KHDRBS2: variants seen among roughly 807,000 people sequenced by gnomAD.
The protein encoded by KHDRBS2 is KH domain-containing, RNA-binding, signal transduction-associated protein 2.
KHDRBS2 carries 26 observed loss-of-function variants against 44.3 expected under a neutral mutation model. The observed-to-expected ratio is 0.59, with a 90% confidence interval of 0.43 to 0.81. The LOEUF is 0.81. Ranked by LOEUF, KHDRBS2 falls within the 40% of genes least tolerant of loss-of-function variation. The pLI is 0.00. For missense variants in KHDRBS2, 476 were observed against 433.1 expected (o/e 1.10, Z -0.88); for synonymous variants, 194 against 151.1 (o/e 1.28, Z -2.08).
downstream of KHDRBS2, among the ~76,000 whole-genome samples, chr6:61,675,598 C>A (rs1484430916): frequency 6.6e-6 from 1 of 151,678 alleles, no homozygotes; most frequent in Non-Finnish European, 1.5e-5. Flanking sequence ...TACATAGTGA[C>A]CTCAGGGCAC....
In KHDRBS2 at chr6:61,960,724, A is replaced by C. The variant is rs145740312; in HGVS notation, c.483+17342T>G. 2.4e-3 allele frequency among the ~76,000 whole-genome samples: 358 copies of C among 152,230 alleles called. 3 individuals are homozygous for C. Among genetic ancestry groups the C allele is most frequent in the African/African-American group, 8.1e-3 (336 of 41,548 alleles). On this transcript the variant is annotated intron_variant, in intron 4 of 8. Transcript: ENST00000281156. ...ACAAATTTCCTGCATGAAAATGATC[A>C]ATTTTTCTTCCTATACATAAATTTA...
chr6:62,104,551 T>C (rs1439357464), intron 2 of KHDRBS2, among the ~76,000 whole-genome samples: 1 of 151,996 alleles, frequency 6.6e-6, no homozygotes, highest in Admixed American at 6.6e-5. Context: ...AAATAACATA[T>C]GAGTAAAAAC....
chr6:61,777,412 T>A (rs1433106740), intron 6 of KHDRBS2, among the ~76,000 whole-genome samples: 1 of 152,172 alleles, frequency 6.6e-6, no homozygotes, highest in African/African-American at 2.4e-5. Context: ...TGTTGTCAAC[T>A]CATTGATGAA....
chr6:61,671,671 C>A, the KHDRBS2 span, among the ~76,000 whole-genome samples: 211 of 151,706 alleles, frequency 1.4e-3, no homozygotes, highest in African/African-American at 4.8e-3. Context: ...TAATTGGAAA[C>A]TAGAATTTAA....
chr6:62,097,166 A>G (rs1800796306), intron 2 of KHDRBS2, among the ~76,000 whole-genome samples: 1 of 151,340 alleles, frequency 6.6e-6, no homozygotes, highest in African/African-American at 2.4e-5. Context: ...TAACCCGGAG[A>G]CTATTTCATG....
chr6:62,138,970 G>A (rs1410506463), intron 2 of KHDRBS2, among the ~76,000 whole-genome samples: 5 of 152,136 alleles, frequency 3.3e-5, no homozygotes, highest in Non-Finnish European at 7.4e-5. Context: ...CAAGTCATAA[G>A]TAATTGTTTG....
At chr6:61,686,789 C>CT (rs200953450) in intron 8 of KHDRBS2, among the ~76,000 whole-genome samples, 3 of 151,304 alleles carry the variant, frequency 2.0e-5, no homozygotes, top group Non-Finnish European at 3.0e-5. Context: ...TCTTTTTCCT[C>CT]TTTTTTTCCC....
At chr6:61,679,739 G>A (rs780083186), downstream of KHDRBS2, among the ~76,000 whole-genome samples, 24 of 151,912 alleles carry the variant, frequency 1.6e-4, no homozygotes, top group Non-Finnish European at 2.7e-4. Flanking sequence ...TGAAGTCCAC[G>A]CACTCCTTTG....
intron 6 of KHDRBS2, among the ~76,000 whole-genome samples, chr6:61,768,330 T>C (rs961745699): frequency 1.3e-5 from 2 of 152,178 alleles, no homozygotes; most frequent in African/African-American, 4.8e-5. Flanking sequence ...TGTCTTGAGA[T>C]AGCCTCCTTT....
intron 6 of KHDRBS2, among the ~76,000 whole-genome samples, chr6:61,835,040 G>A (rs1488157054): frequency 6.6e-6 from 1 of 151,986 alleles, no homozygotes; most frequent in African/African-American, 2.4e-5. Context: ...ATATTTTTCT[G>A]CCAGAATGAT....
At chr6:62,272,602 G>C (rs535720168) in intron 1 of KHDRBS2, among the ~76,000 whole-genome samples, 36 of 152,258 alleles carry the variant, frequency 2.4e-4, no homozygotes, top group African/African-American at 8.2e-4. Flanking sequence ...TCTGTATTGA[G>C]TATTGGAGGA....
chr6:61,552,025 G>A, the KHDRBS2 span, among the ~76,000 whole-genome samples: 15 of 151,894 alleles, frequency 9.9e-5, no homozygotes, highest in African/African-American at 3.6e-4. Context: ...AAACTTTACT[G>A]AAGTTGTTTA....
At chr6:62,073,530 C>CTTTTTT (rs60124030) in intron 2 of KHDRBS2, among the ~76,000 whole-genome samples, 181 of 124,232 alleles carry the variant, frequency 1.5e-3, no homozygotes, top group African/African-American at 1.8e-3. Context: ...TTTCTTTTTT[C>CTTTTTT]TTTTTTTTTT....
chr6:61,611,831 A>G, the KHDRBS2 span, among the ~76,000 whole-genome samples: 1 of 152,060 alleles, frequency 6.6e-6, no homozygotes, highest in East Asian at 1.9e-4. Flanking sequence ...CTTCCTCTCT[A>G]TTCCTCCCTC....
the KHDRBS2 span, among the ~76,000 whole-genome samples, chr6:61,558,284 G>A: frequency 6.6e-6 from 1 of 152,106 alleles, no homozygotes; most frequent in Non-Finnish European, 1.5e-5. Context: ...TTCCTTGGCT[G>A]GGTGCAGTGG....
the KHDRBS2 span, among the ~76,000 whole-genome samples, chr6:61,553,751 T>C: frequency 6.6e-6 from 1 of 152,200 alleles, no homozygotes; most frequent in African/African-American, 2.4e-5. Context: ...TTGATTTCAT[T>C]ATTTACCAAA....
chr6:61,769,681 G>A (rs549531839), intron 6 of KHDRBS2, among the ~76,000 whole-genome samples: 42 of 152,308 alleles, frequency 2.8e-4, no homozygotes, highest in Middle Eastern at 3.4e-3. Flanking sequence ...TAAACAAAGC[G>A]GCCAGGAAGC....
intron 1 of KHDRBS2, among the ~76,000 whole-genome samples, chr6:62,234,810 C>T (rs964366410): frequency 1.2e-4 from 18 of 151,948 alleles, no homozygotes; most frequent in Non-Finnish European, 8.8e-5. Context: ...CATTACAGTG[C>T]TATCTGTAAT....
the KHDRBS2 span, among the ~76,000 whole-genome samples, chr6:61,590,074 A>G: frequency 6.6e-6 from 1 of 152,180 alleles, no homozygotes; most frequent in East Asian, 1.9e-4. Flanking sequence ...AGAAACAAAT[A>G]TTAGATGAGG....
Sources: allele counts gnomAD v4.1 joint callset (sites outside exome capture counted in the v4.1 genomes callset), GRCh38; gene constraint gnomAD v4.1.1; transcripts MANE v1.5; gene names NCBI Gene and HGNC (gene_info 2026-07-23, HGNC 2026-07-21).